Variants in ASMTL observed in about 807,000 individuals in gnomAD.
ASMTL encodes acetylserotonin O-methyltransferase like.
ASMTL carries 57 observed loss-of-function variants against 60.3 expected under a neutral mutation model. That is an observed-to-expected ratio of 0.95 (90% CI 0.76 to 1.18). The LOEUF is 1.18. ASMTL is among the 50% of genes most tolerant of loss of function. ASMTL has a pLI of 0.00. For synonymous variants in ASMTL, 419 were observed against 373.0 expected (o/e 1.12, Z -1.42); for missense variants, 981 against 852.6 (o/e 1.15, Z -1.88).
At chrX:1,428,308 C>T (rs1480049204) in intron 6 of ASMTL, 187 bp from the exon 7 acceptor site, 19 of 215,874 alleles carry the variant, frequency 8.8e-5, no homozygotes, top group Admixed American at 8.5e-5. Flanking sequence ...TGGGGGCAGG[C>T]GCCTTTGGCA....
chrX:1,413,142 T>A (rs2090100619), intron 11 of ASMTL: 1 of 417,550 alleles, frequency 2.4e-6, no homozygotes, highest in Admixed American at 3.5e-5. Context: ...GTGGGCAGAT[T>A]GTCTGAGCTC....
rs773552492 is a variant in ASMTL at position 1,422,664 on chromosome X, G to C, written c.1061-822C>G. Among the ~76,000 whole-genome samples the C allele has an allele frequency of 2.5e-3, 381 of 152,138 alleles. 1 individual carries two copies. The highest frequency in any genetic ancestry group is 8.6e-3 in the African/African-American group (356 of 41,508). Reference sequence around the variant, plus strand: ...GAAACAGATGGCCTCGCACCACTCCGGTCCTCCTATGTAAGAAACAGCCCT... The same window carrying C: ...GAAACAGATGGCCTCGCACCACTCCCGTCCTCCTATGTAAGAAACAGCCCT... On this transcript the variant is annotated intron_variant, in intron 8 of 12. Transcript: ENST00000381317.
At chrX:1,436,130 G>T (rs1177035056) in intron 3 of ASMTL, among the ~76,000 whole-genome samples, 8 of 152,158 alleles carry the variant, frequency 5.3e-5, no homozygotes, top group African/African-American at 1.9e-4. Context: ...CACTGACCGT[G>T]ATGTCCTCAA....
chrX:1,430,165 C>T (rs2090730142), intron 6 of ASMTL, among the ~76,000 whole-genome samples: 1 of 151,988 alleles, frequency 6.6e-6, no homozygotes, highest in Non-Finnish European at 1.5e-5. Flanking sequence ...CAGGCACCTG[C>T]CACCACACCG....
chrX:1,439,420 A>T (rs2091053244), intron 2 of ASMTL, among the ~76,000 whole-genome samples: 1 of 152,194 alleles, frequency 6.6e-6, no homozygotes, highest in African/African-American at 2.4e-5. Context: ...CACTACGGGA[A>T]ACGCAATGCC....
Position 1,435,065 on chromosome X carries a change from G to C in ASMTL, c.357C>G (p.His119Gln). ...RMLSRLSGRE[H>Q]SVFTGVAIVH... ...CGATCGCGACACCTGTGAACACGCTGTGTTCTCTCCCACTCAACCTGTAAG... is the reference window on the plus strand; with the variant it reads ...CGATCGCGACACCTGTGAACACGCTCTGTTCTCTCCCACTCAACCTGTAAG... Residue 119 changes from histidine to glutamine, a missense_variant, in exon 5 of 13, where the codon CAC (histidine) becomes CAG (glutamine). Coordinates refer to ENST00000381317, the MANE Select transcript of ASMTL (RefSeq NM_004192.4). 1.2e-6 allele frequency: 2 copies of C among 1,613,972 alleles called. No individual in the cohort carries two copies. Among genetic ancestry groups the C allele is most frequent in the Non-Finnish European group, 1.7e-6 (2 of 1,179,864 alleles).
intron 1 of ASMTL, among the ~76,000 whole-genome samples, chrX:1,451,353 CT>C (rs2091378401): frequency 1.3e-5 from 2 of 149,614 alleles, no homozygotes; most frequent in African/African-American, 2.5e-5. Context: ...CTCCCCATTC[CT>C]TGGGGGTCCC....
At chrX:1,442,838 C>G (rs1193852015) in intron 1 of ASMTL, among the ~76,000 whole-genome samples, 1 of 152,238 alleles carries the variant, frequency 6.6e-6, no homozygotes, top group Non-Finnish European at 1.5e-5. Context: ...GAGGCCTGGC[C>G]TAGAGGTAGT....
intron 11 of ASMTL, among the ~76,000 whole-genome samples, chrX:1,417,558 C>T (rs1423033673): frequency 2.0e-4 from 18 of 91,166 alleles, no homozygotes; most frequent in Admixed American, 3.6e-4. Context: ...CACACAAGCA[C>T]GACAGTCATA....
At chrX:1,414,170 G>A (rs2090149108) in intron 11 of ASMTL, 1 of 152,196 alleles carries the variant, frequency 6.6e-6, no homozygotes, top group South Asian at 2.1e-4. Flanking sequence ...GCGGCTACAA[G>A]CCCAGGGACA....
intron 1 of ASMTL, 50 bp downstream of exon 1, chrX:1,452,698 T>C: frequency 6.7e-7 from 1 of 1,485,172 alleles, no homozygotes. Flanking sequence ...CCCTCCGGGG[T>C]TCAGCCCCTC....
At position 1,433,656 on chromosome X, in the gene ASMTL, G is replaced by A. The variant is rs186160786; in HGVS notation, c.401-1279C>T. 6.6e-5 allele frequency among the ~76,000 whole-genome samples: 10 copies of A among 151,932 alleles called. No individual in the cohort carries two copies. In the East Asian group the frequency reaches 1.9e-3, roughly 29 times the overall value. On this transcript the variant is annotated intron_variant, in intron 5 of 12. Transcript: ENST00000381317. ...GATGGCGCAAGTGCACTCTAGCCTGGGCGATAAAGCGAGACTCTGTCACAA... is the reference window on the plus strand; with the variant it reads ...GATGGCGCAAGTGCACTCTAGCCTGAGCGATAAAGCGAGACTCTGTCACAA...
chrX:1,416,705 C>T (rs1350778277), intron 11 of ASMTL, among the ~76,000 whole-genome samples: 1 of 151,120 alleles, frequency 6.6e-6, no homozygotes, highest in East Asian at 2.0e-4. Flanking sequence ...GAGACACATT[C>T]TTACGCACGC....
intron 6 of ASMTL, among the ~76,000 whole-genome samples, chrX:1,428,924 T>A (rs781652637): frequency 3.0e-4 from 46 of 151,274 alleles, no homozygotes; most frequent in African/African-American, 1.1e-3. Context: ...AAAGACAGAG[T>A]CTCGCTCTGT....
chrX:1,437,871 T>C (rs2091011467), intron 3 of ASMTL, among the ~76,000 whole-genome samples: 1 of 147,186 alleles, frequency 6.8e-6, no homozygotes, highest in Admixed American at 6.9e-5. Context: ...CAGTCCAGCC[T>C]GGCGACAGAG....
At chrX:1,442,367 A>G in intron 1 of ASMTL, 50 bp from the exon 2 acceptor site, 2 of 1,608,500 alleles carry the variant, frequency 1.2e-6, no homozygotes, top group Non-Finnish European at 1.7e-6. Flanking sequence ...ACCCTATGAA[A>G]AGTGAATGGG....
chrX:1,418,622 C>G (rs1303110460), intron 10 of ASMTL, among the ~76,000 whole-genome samples: 1 of 152,054 alleles, frequency 6.6e-6, no homozygotes. Flanking sequence ...CCCGATCCCC[C>G]AGCAGCCCTT....
chrX:1,407,249 TG>T (rs2089896145), intron 12 of ASMTL, among the ~76,000 whole-genome samples: 1 of 149,946 alleles, frequency 6.7e-6, no homozygotes, highest in Non-Finnish European at 1.5e-5. Flanking sequence ...GGTAGATGGA[TG>T]GATGGATAGA....
intron 11 of ASMTL, among the ~76,000 whole-genome samples, chrX:1,416,093 G>A (rs376031992): frequency 7.0e-6 from 1 of 142,636 alleles, no homozygotes; most frequent in African/African-American, 2.7e-5. Flanking sequence ...ACTCACGCAC[G>A]GACACACAGT....
Sources: allele counts gnomAD v4.1 joint callset (sites outside exome capture counted in the v4.1 genomes callset), GRCh38; gene constraint gnomAD v4.1.1; transcripts MANE v1.5; gene names NCBI Gene and HGNC (gene_info 2026-07-23, HGNC 2026-07-21).